TRAPPC9: variants seen among roughly 807,000 people sequenced by gnomAD.
TRAPPC9 encodes the protein IKK2 binding protein.
In TRAPPC9, 83 loss-of-function variants were observed where a neutral mutation model predicts 124.0. The observed-to-expected ratio is 0.67, with a 90% CI of 0.56 to 0.80. TRAPPC9 has a LOEUF of 0.80. Among genes scored for constraint, TRAPPC9 ranks in the 30% least tolerant of loss-of-function variants. The pLI is 0.00. For synonymous variants in TRAPPC9, 638 were observed against 617.5 expected (o/e 1.03, Z -0.49); for missense variants, 1,302 against 1,508.3 (o/e 0.86, Z 2.27).
At chr8:139,847,331 C>A (rs964827412) in intron 21 of TRAPPC9, among the ~76,000 whole-genome samples, 2 of 152,232 alleles carry the variant, frequency 1.3e-5, no homozygotes, top group African/African-American at 4.8e-5. Context: ...GAACCAATTT[C>A]CATCCTGGCT....
chr8:140,274,645 A>T (rs190262212), intron 15 of TRAPPC9, among the ~76,000 whole-genome samples: 1 of 152,202 alleles, frequency 6.6e-6, no homozygotes, highest in Non-Finnish European at 1.5e-5. Context: ...CTCTCATGAC[A>T]TAATTCTTTG....
At chr8:140,118,722 G>A (rs906213342) in intron 17 of TRAPPC9, among the ~76,000 whole-genome samples, 4 of 152,230 alleles carry the variant, frequency 2.6e-5, no homozygotes, top group African/African-American at 7.2e-5. Context: ...ACAGCTATGG[G>A]TGAGGGGAAT....
intron 21 of TRAPPC9, among the ~76,000 whole-genome samples, chr8:139,847,045 A>G (rs1827130273): frequency 6.6e-6 from 1 of 152,246 alleles, no homozygotes; most frequent in African/African-American, 2.4e-5. Context: ...CTGGGCTTGC[A>G]GCCATCCCTG....
intron 4 of TRAPPC9, among the ~76,000 whole-genome samples, chr8:140,430,640 G>A (rs142537929): frequency 1.2e-4 from 18 of 152,214 alleles, no homozygotes; most frequent in African/African-American, 4.3e-4. Context: ...AAATGTGGGG[G>A]TTGTTTTTTG....
At chr8:140,223,113 T>C (rs1040735178) in intron 16 of TRAPPC9, among the ~76,000 whole-genome samples, 4 of 152,120 alleles carry the variant, frequency 2.6e-5, no homozygotes, top group African/African-American at 9.7e-5. Flanking sequence ...TATCAACCCA[T>C]CACCCACGTA....
chr8:140,029,521 A>T (rs1488606958), intron 17 of TRAPPC9, among the ~76,000 whole-genome samples: 1 of 152,020 alleles, frequency 6.6e-6, no homozygotes, highest in Non-Finnish European at 1.5e-5. Flanking sequence ...CAAACAAACA[A>T]ACAAACAAAC....
chr8:139,947,908 A>ATATAGAGAGAGAGAGAGC (rs1554678297), intron 19 of TRAPPC9, among the ~76,000 whole-genome samples: 5 of 47,164 alleles, frequency 1.1e-4, no homozygotes, highest in African/African-American at 3.9e-4. Context: ...ATATATATAT[A>ATATAGAGAGAGAGAGAGC]GAGAGAGAGA....
chr8:140,229,251 C>CTTTTTTTTTTTTTTTTT lies in TRAPPC9; in HGVS notation c.2432-7685_2432-7669dup, dbSNP rs528175891. Among the ~76,000 whole-genome samples, 12 of 99,812 alleles carry CTTTTTTTTTTTTTTTTT rather than the reference C, an allele frequency of 1.2e-4. 1 individual carries two copies. The highest frequency in any genetic ancestry group is 6.4e-4 in the East Asian group (2 of 3,120). 65.5% of individuals were successfully genotyped at this position (99,812 alleles called of 152,430 possible). ...AGTCAATTCCGTATGTTTTCTTTTT[C>CTTTTTTTTTTTTTTTTT]TTTTTTTTTTTTTTTTTTTTTTTTT... On this transcript the variant is annotated intron_variant, in intron 16 of 22. Transcript: ENST00000438773.
At chr8:139,996,188 G>GAAAAAAAAAAAAC (rs1837980403) in intron 18 of TRAPPC9, among the ~76,000 whole-genome samples, 1 of 68,886 alleles carries the variant, frequency 1.5e-5, no homozygotes, top group Non-Finnish European at 3.4e-5. Flanking sequence ...AAAAAGAAAG[G>GAAAAAAAAAAAAC]AAAGAAAAAA....
intron 21 of TRAPPC9, among the ~76,000 whole-genome samples, chr8:139,817,098 C>T (rs968594687): frequency 2.8e-5 from 3 of 107,038 alleles, no homozygotes; most frequent in African/African-American, 4.3e-5. Context: ...GCTTTCTGAG[C>T]ACCCCCAGGG....
At chr8:139,778,286 T>C (rs532597707) in intron 21 of TRAPPC9, among the ~76,000 whole-genome samples, 2 of 152,142 alleles carry the variant, frequency 1.3e-5, no homozygotes, top group African/African-American at 4.8e-5. Flanking sequence ...CTAAAAAAAA[T>C]CTTAAAAGCA....
intron 4 of TRAPPC9, among the ~76,000 whole-genome samples, chr8:140,427,377 T>TCA (rs1434668206): frequency 7.7e-5 from 11 of 143,406 alleles, no homozygotes; most frequent in African/African-American, 2.5e-4. Context: ...TATATCTCTC[T>TCA]CTCACACACA....
intron 19 of TRAPPC9, chr8:139,916,563 A>G (rs951049396): frequency 6.6e-6 from 1 of 152,272 alleles, no homozygotes; most frequent in Admixed American, 6.5e-5. Context: ...GGTCTCCACC[A>G]CTACTTGCTT....
intron 9 of TRAPPC9, 110 bp downstream of exon 9, chr8:140,359,937 GGCA>G: frequency 6.8e-7 from 1 of 1,460,264 alleles, no homozygotes; most frequent in South Asian, 1.2e-5. Flanking sequence ...CGAAGAGCTG[GGCA>G]GCATCTTCCA....
intron 7 of TRAPPC9, among the ~76,000 whole-genome samples, chr8:140,384,362 T>C (rs1179349342): frequency 4.6e-5 from 7 of 152,130 alleles, no homozygotes; most frequent in Admixed American, 4.6e-4. Context: ...AGACACAGAC[T>C]GGCAAATTGG....
chr8:139,831,927 A>G (rs1826022139), intron 21 of TRAPPC9, among the ~76,000 whole-genome samples: 1 of 152,072 alleles, frequency 6.6e-6, no homozygotes, highest in African/African-American at 2.4e-5. Flanking sequence ...GAGTAGCCCC[A>G]TTGTCCTGGC....
chr8:139,990,870 AG>A (rs1487729770), intron 18 of TRAPPC9, among the ~76,000 whole-genome samples: 1 of 152,104 alleles, frequency 6.6e-6, no homozygotes, highest in Non-Finnish European at 1.5e-5. Flanking sequence ...TACAGGGGTG[AG>A]CCACGGCACC....
chr8:140,035,343 G>A (rs1188767078), intron 17 of TRAPPC9, among the ~76,000 whole-genome samples: 3 of 152,186 alleles, frequency 2.0e-5, no homozygotes, highest in Admixed American at 1.3e-4. Context: ...TTATAGAAAG[G>A]AATGCTATAT....
intron 21 of TRAPPC9, among the ~76,000 whole-genome samples, chr8:139,873,915 G>A (rs951675024): frequency 6.6e-6 from 1 of 152,212 alleles, no homozygotes; most frequent in South Asian, 2.1e-4. Flanking sequence ...TGGCTCTGGG[G>A]TTAGTACCTC....
Sources: allele counts gnomAD v4.1 joint callset (sites outside exome capture counted in the v4.1 genomes callset), GRCh38; gene constraint gnomAD v4.1.1; transcripts MANE v1.5; gene names NCBI Gene and HGNC (gene_info 2026-07-23, HGNC 2026-07-21).